Variants in CCSER2 observed in about 807,000 individuals in gnomAD.
CCSER2 encodes serine-rich coiled-coil domain-containing protein 2.
In CCSER2, 46 loss-of-function variants were observed where a neutral mutation model predicts 92.3. The observed-to-expected ratio is 0.50, with a 90% confidence interval of 0.39 to 0.64. CCSER2 has a LOEUF of 0.64. CCSER2 is among the 30% of genes least tolerant of loss of function. The probability of loss-of-function intolerance (pLI) is 0.00; values close to 1 mark genes in which losing one functional copy is unlikely to be tolerated. For synonymous variants in CCSER2, 433 were observed against 431.4 expected (o/e 1.00, Z -0.04); for missense variants, 1,244 against 1,238.9 (o/e 1.00, Z -0.06).
chr10:84,483,953 T>TTATATATATATA (rs57427963), intron 9 of CCSER2, among the ~76,000 whole-genome samples: 14 of 48,030 alleles, frequency 2.9e-4, no homozygotes, highest in Admixed American at 1.2e-3. Context: ...CCCGGCTAAT[T>TTATATATATATA]TATATATATA....
chr10:84,442,402 T>C (rs946332689), intron 6 of CCSER2, among the ~76,000 whole-genome samples: 6 of 152,206 alleles, frequency 3.9e-5, no homozygotes, highest in African/African-American at 1.4e-4. Flanking sequence ...GAGATGGAAA[T>C]TTACTAAAAT....
chr10:84,445,343 C>A (rs181383508), intron 6 of CCSER2, among the ~76,000 whole-genome samples: 6 of 152,192 alleles, frequency 3.9e-5, no homozygotes, highest in Admixed American at 2.0e-4. Context: ...TTAGAAGAGA[C>A]GGGGTTTCAC....
chr10:84,452,805 T>C (rs1845372922), intron 6 of CCSER2, among the ~76,000 whole-genome samples: 1 of 152,144 alleles, frequency 6.6e-6, no homozygotes, highest in Non-Finnish European at 1.5e-5. Flanking sequence ...AGAAAGAGTA[T>C]GTTTTCTATT....
rs573044794 is a variant in CCSER2 at position 84,490,217 on chromosome 10, C to G, written c.2325+12553C>G. Among the ~76,000 whole-genome samples the G allele has an allele frequency of 1.4e-4, 21 of 152,216 alleles. No individual in the cohort carries two copies. In the East Asian group the frequency reaches 3.5e-3, roughly 25 times the overall value. On this transcript the variant is annotated intron_variant, in intron 9 of 9. Coordinates refer to ENST00000372088, the MANE Select transcript of CCSER2 (RefSeq NM_001284240.2). ...TTTGGTGAATCTGACAATTATGTGT[C>G]TTGGAGTTGCTCTTCTCGAGGATTA... is the stretch of plus-strand genomic sequence containing the variant.
At chr10:84,497,798 A>T (rs1029197538) in intron 9 of CCSER2, among the ~76,000 whole-genome samples, 1 of 152,242 alleles carries the variant, frequency 6.6e-6, no homozygotes, top group Non-Finnish European at 1.5e-5. Context: ...ACAATTTAAT[A>T]CAAAGTTGAT....
At chr10:84,472,796 C>G (rs966099953) in intron 8 of CCSER2, among the ~76,000 whole-genome samples, 4 of 151,998 alleles carry the variant, frequency 2.6e-5, no homozygotes, top group Non-Finnish European at 5.9e-5. Flanking sequence ...AAAATAAGAA[C>G]AGGTCTCTTC....
chr10:84,511,819 G>A (rs1849361209), intron 9 of CCSER2, among the ~76,000 whole-genome samples: 1 of 152,140 alleles, frequency 6.6e-6, no homozygotes, highest in South Asian at 2.1e-4. Context: ...ATTATGTGGT[G>A]ATTTTAGTAT....
intron 6 of CCSER2, among the ~76,000 whole-genome samples, chr10:84,442,530 T>TTAC (rs1320147717): frequency 6.6e-6 from 1 of 152,226 alleles, no homozygotes; most frequent in Admixed American, 6.5e-5. Flanking sequence ...CTCTAAGGTG[T>TTAC]TACTAGTGAT....
At chr10:84,464,220 T>A (rs1337978069) in intron 7 of CCSER2, among the ~76,000 whole-genome samples, 1 of 152,254 alleles carries the variant, frequency 6.6e-6, no homozygotes, top group Non-Finnish European at 1.5e-5. Context: ...TCTGTCCTTG[T>A]ATTACTACTG....
At chr10:84,469,899 G>T (rs1404434954) in intron 7 of CCSER2, among the ~76,000 whole-genome samples, 4 of 151,810 alleles carry the variant, frequency 2.6e-5, no homozygotes, top group Non-Finnish European at 5.9e-5. Context: ...GCCATGAAAT[G>T]CCTCTGTGCC....
intron 7 of CCSER2, among the ~76,000 whole-genome samples, chr10:84,464,719 T>C (rs1427285650): frequency 1.3e-5 from 2 of 152,152 alleles, no homozygotes; most frequent in African/African-American, 4.8e-5. Flanking sequence ...CTCTGCTTCA[T>C]GTGTCTTCCT....
chr10:84,499,196 C>T (rs964183305), intron 9 of CCSER2, among the ~76,000 whole-genome samples: 3 of 152,134 alleles, frequency 2.0e-5, no homozygotes, highest in Non-Finnish European at 4.4e-5. Context: ...AATGCAGTGG[C>T]GTCATCTCGG....
intron 9 of CCSER2, among the ~76,000 whole-genome samples, chr10:84,491,160 G>A (rs966881806): frequency 6.6e-6 from 1 of 152,224 alleles, no homozygotes; most frequent in Non-Finnish European, 1.5e-5. Context: ...ACTGGGGGGT[G>A]CCTCCCAGTT....
At chr10:84,394,000 C>T (rs1003239851) in intron 3 of CCSER2, 2 of 152,166 alleles carry the variant, frequency 1.3e-5, no homozygotes, top group Non-Finnish European at 2.9e-5. Flanking sequence ...TACTCCAACT[C>T]CAGTAGTGAA....
chr10:84,490,036 ATTCTT>A (rs1253019630), intron 9 of CCSER2, among the ~76,000 whole-genome samples: 6 of 152,146 alleles, frequency 3.9e-5, no homozygotes, highest in Non-Finnish European at 8.8e-5. Flanking sequence ...TGGGTTGAAA[ATTCTT>A]TTCTTTAAGA....
chr10:84,389,671 A>G, intron 3 of CCSER2: 1 of 180,156 alleles, frequency 5.6e-6, no homozygotes, highest in East Asian at 1.8e-4. Flanking sequence ...GGTACAACCA[A>G]AGAGAGTTGC....
intron 5 of CCSER2, among the ~76,000 whole-genome samples, chr10:84,435,955 C>G (rs1844090789): frequency 6.6e-6 from 1 of 151,936 alleles, no homozygotes; most frequent in Non-Finnish European, 1.5e-5. Context: ...GAGAGACTGA[C>G]AAAGACTACT....
intron 9 of CCSER2, among the ~76,000 whole-genome samples, chr10:84,488,395 T>C (rs1847938740): frequency 5.3e-5 from 8 of 152,218 alleles, no homozygotes; most frequent in Admixed American, 3.9e-4. Flanking sequence ...TGGTAGGCTC[T>C]TAATTATTGC....
chr10:84,426,560 A>C (rs1303757749), intron 5 of CCSER2, among the ~76,000 whole-genome samples: 1 of 152,210 alleles, frequency 6.6e-6, no homozygotes, highest in Non-Finnish European at 1.5e-5. Context: ...TCAGGGATAA[A>C]AGTGCCTAGA....
Sources: gnomAD v4.1 joint callset for allele counts (sites outside exome capture counted in the v4.1 genomes callset) on GRCh38, gnomAD v4.1.1 for gene constraint, MANE v1.5 for transcripts, NCBI Gene and HGNC (gene_info 2026-07-23, HGNC 2026-07-21) for gene names.